The following DLGAP1 variants were observed in gnomAD, a reference collection of about 807,000 sequenced individuals.
DLGAP1 encodes DLG associated protein 1.
DLGAP1 carries 11 observed loss-of-function variants against 90.8 expected under a neutral mutation model. That is an observed-to-expected ratio of 0.12 (90% CI 0.08 to 0.20). DLGAP1 has a LOEUF of 0.20. DLGAP1 is among the 10% of genes least tolerant of loss of function. The pLI is 1.00. For missense variants in DLGAP1, 1,050 were observed against 1,333.8 expected (o/e 0.79, Z 3.31); for synonymous variants, 558 against 540.7 (o/e 1.03, Z -0.44).
intron 4 of DLGAP1, among the ~76,000 whole-genome samples, chr18:3,862,268 C>T (rs1031261728): frequency 1.3e-5 from 2 of 152,230 alleles, no homozygotes; most frequent in Non-Finnish European, 2.9e-5. Context: ...CTGGCTGTAG[C>T]AGATATGATG....
At chr18:3,866,835 G>A (rs2070414671) in intron 4 of DLGAP1, among the ~76,000 whole-genome samples, 1 of 152,150 alleles carries the variant, frequency 6.6e-6, no homozygotes, top group African/African-American at 2.4e-5. Context: ...TGTGGAATTA[G>A]TGTTATTTTT....
chr18:4,008,914 T>C (rs1039218477), intron 2 of DLGAP1, among the ~76,000 whole-genome samples: 1 of 151,556 alleles, frequency 6.6e-6, no homozygotes, highest in African/African-American at 2.4e-5. Context: ...GTCTCTCTCT[T>C]TGTTTTTGAA....
intron 7 of DLGAP1, among the ~76,000 whole-genome samples, chr18:3,639,791 G>C (rs776980011): frequency 8.5e-6 from 1 of 117,808 alleles, no homozygotes; most frequent in Admixed American, 9.6e-5. Flanking sequence ...GTCTTGCTCT[G>C]TCGCCCAGGC....
chr18:4,245,163 T>G (rs1347617822), intron 1 of DLGAP1, among the ~76,000 whole-genome samples: 1 of 152,214 alleles, frequency 6.6e-6, no homozygotes, highest in African/African-American at 2.4e-5. Flanking sequence ...TGTATAAGCT[T>G]GTACATTTGC....
chr18:3,850,066 T>G (rs2069246967), intron 4 of DLGAP1, among the ~76,000 whole-genome samples: 1 of 152,120 alleles, frequency 6.6e-6, no homozygotes, highest in Non-Finnish European at 1.5e-5. Context: ...GCTTAGAAAA[T>G]TAGCATGTGG....
intron 8 of DLGAP1, among the ~76,000 whole-genome samples, chr18:3,579,226 T>C (rs2055342775): frequency 6.6e-6 from 1 of 152,192 alleles, no homozygotes; most frequent in African/African-American, 2.4e-5. Flanking sequence ...GTCTTTCTTT[T>C]TGAGATGGAA....
At chr18:3,772,839 G>T (rs2064752882) in intron 5 of DLGAP1, among the ~76,000 whole-genome samples, 1 of 152,064 alleles carries the variant, frequency 6.6e-6, no homozygotes, top group Non-Finnish European at 1.5e-5. Context: ...ACTTCCAGGT[G>T]ATTCTTAACT....
intron 1 of DLGAP1, among the ~76,000 whole-genome samples, chr18:4,388,815 A>G (rs921971629): frequency 2.0e-5 from 3 of 152,198 alleles, no homozygotes; most frequent in Non-Finnish European, 2.9e-5. Flanking sequence ...ATATCACCTC[A>G]CACCCATCAG....
chr18:4,176,325 AT>A (rs1223739472), intron 1 of DLGAP1, among the ~76,000 whole-genome samples: 1 of 152,154 alleles, frequency 6.6e-6, no homozygotes, highest in African/African-American at 2.4e-5. Context: ...CCAGCCCTTC[AT>A]TTCCAGATAT....
intron 3 of DLGAP1, among the ~76,000 whole-genome samples, chr18:3,909,993 G>A (rs2071996901): frequency 1.3e-5 from 2 of 151,830 alleles, no homozygotes; most frequent in African/African-American, 4.8e-5. Context: ...CATTTCTTAT[G>A]GGTTCAATGA....
intron 4 of DLGAP1, among the ~76,000 whole-genome samples, chr18:3,872,193 T>G (rs2070786635): frequency 6.9e-6 from 1 of 145,274 alleles, no homozygotes; most frequent in South Asian, 2.1e-4. Context: ...TCAGAAGAGG[T>G]CTTTCTTTAA....
chr18:3,869,436 G>C (rs144666335), intron 4 of DLGAP1, among the ~76,000 whole-genome samples: 1 of 152,252 alleles, frequency 6.6e-6, no homozygotes, highest in Non-Finnish European at 1.5e-5. Flanking sequence ...TGAGTCTGTA[G>C]TCCCAGCTAC....
intron 5 of DLGAP1, among the ~76,000 whole-genome samples, chr18:3,802,814 C>G (rs2066373604): frequency 6.6e-6 from 1 of 152,156 alleles, no homozygotes. Context: ...GGAAAGAAGT[C>G]TTGGTTGAGA....
intron 1 of DLGAP1, among the ~76,000 whole-genome samples, chr18:4,402,397 AG>A (rs1804616916): frequency 6.6e-6 from 1 of 152,262 alleles, no homozygotes; most frequent in Admixed American, 6.5e-5. Context: ...TATTAATGTT[AG>A]GAACTAAAAT....
At position 3,942,886 on chromosome 18, in the gene DLGAP1, C is replaced by T. The variant is rs370427947; in HGVS notation, c.-73+62230G>A. Among the ~76,000 whole-genome samples, 12 of 151,726 alleles carry T rather than the reference C, an allele frequency of 7.9e-5. No homozygotes were observed. The East Asian group carries it at 1.4e-3, about 17-fold the overall frequency. The stretch of plus-strand genomic sequence containing the variant: ...GTCTAGGGTTTGGGTACGGGAGTAA[C>T]GATTTGGGTAGAATTTTGGAGCTGG... On this transcript the variant is annotated intron_variant, in intron 3 of 12. Coordinates refer to ENST00000315677, the MANE Select transcript of DLGAP1 (RefSeq NM_004746.4).
At chr18:4,405,860 C>T (rs1045353475) in intron 1 of DLGAP1, among the ~76,000 whole-genome samples, 2 of 152,056 alleles carry the variant, frequency 1.3e-5, no homozygotes, top group Admixed American at 1.3e-4. Context: ...AAGTTCTTTG[C>T]GTTTTGAACA....
intron 10 of DLGAP1, among the ~76,000 whole-genome samples, chr18:3,529,477 T>C (rs2051854584): frequency 1.3e-5 from 2 of 152,204 alleles, no homozygotes; most frequent in Admixed American, 6.5e-5. Flanking sequence ...AGTTTTTTTT[T>C]AGCTAATTAG....
At chr18:4,331,718 T>C (rs993972999) in intron 1 of DLGAP1, among the ~76,000 whole-genome samples, 1 of 151,876 alleles carries the variant, frequency 6.6e-6, no homozygotes, top group Non-Finnish European at 1.5e-5. Flanking sequence ...CGGTTCCTCC[T>C]GGTCTTTCGG....
chr18:4,399,211 A>T (rs1157808832), intron 1 of DLGAP1, among the ~76,000 whole-genome samples: 1 of 152,218 alleles, frequency 6.6e-6, no homozygotes, highest in African/African-American at 2.4e-5. Context: ...TCAAGTTGTT[A>T]AAAAGAAAGG....
Sources: gnomAD v4.1 joint callset for allele counts (sites outside exome capture counted in the v4.1 genomes callset) on GRCh38, gnomAD v4.1.1 for gene constraint, MANE v1.5 for transcripts, NCBI Gene and HGNC (gene_info 2026-07-23, HGNC 2026-07-21) for gene names.